Variants in C16orf74 observed in about 807,000 individuals in gnomAD.
C16orf74 encodes calcimembrin, also known as uncharacterized protein C16orf74.
In C16orf74, 10 loss-of-function variants were observed where a neutral mutation model predicts 6.5. That is an observed-to-expected ratio of 1.54 (90% CI 0.95 to 2.61). The LOEUF (loss-of-function observed/expected upper bound fraction) is 2.61, where lower values mean the gene tolerates loss of function less well. Among genes scored for constraint, C16orf74 ranks in the 30% most tolerant of loss-of-function variants. The probability of loss-of-function intolerance (pLI) is 0.00; values close to 1 mark genes in which losing one functional copy is unlikely to be tolerated. For synonymous variants in C16orf74, 60 were observed against 42.5 expected (o/e 1.41, Z -1.60); for missense variants, 141 against 105.9 (o/e 1.33, Z -1.45).
chr16:85,722,506 G>A (rs1211953298), intron 2 of C16orf74, among the ~76,000 whole-genome samples: 3 of 152,206 alleles, frequency 2.0e-5, no homozygotes, highest in Non-Finnish European at 4.4e-5. Flanking sequence ...AGCGGAAGCG[G>A]CACCAAGCAC....
At chr16:85,743,278 T>G (rs899593168) in intron 1 of C16orf74, 2 of 152,210 alleles carry the variant, frequency 1.3e-5, no homozygotes, top group Non-Finnish European at 2.9e-5. Flanking sequence ...GAGCCACTGT[T>G]ACCTTAAACT....
intron 1 of C16orf74, among the ~76,000 whole-genome samples, chr16:85,747,573 G>C (rs1015976386): frequency 2.0e-5 from 3 of 152,090 alleles, no homozygotes; most frequent in Admixed American, 6.6e-5. Context: ...TCTCTTTCTT[G>C]ACCTGGTGCA....
At chr16:85,723,873 C>G (rs2054106958) in intron 2 of C16orf74, among the ~76,000 whole-genome samples, 1 of 152,230 alleles carries the variant, frequency 6.6e-6, no homozygotes, top group African/African-American at 2.4e-5. Flanking sequence ...CACACATCTG[C>G]TCTCTGGAAA....
chr16:85,738,089 T>A lies in C16orf74; in HGVS notation c.-18-2854A>T, dbSNP rs191761368. Among the ~76,000 whole-genome samples the A allele has an allele frequency of 2.1e-3, 323 of 151,682 alleles. 2 individuals carry two copies. The highest frequency in any genetic ancestry group is 7.1e-3 in the African/African-American group (294 of 41,372). On this transcript the variant is annotated intron_variant, in intron 1 of 3. Transcript: ENST00000284245. The stretch of plus-strand genomic sequence containing the variant: ...GGACACCCTGGCTATAAAACATTTT[T>A]AAAAAATTAGTCAAGTGTGGTGGCC...
At chr16:85,744,920 T>G (rs538469993) in intron 1 of C16orf74, among the ~76,000 whole-genome samples, 3 of 150,282 alleles carry the variant, frequency 2.0e-5, no homozygotes, top group Admixed American at 1.3e-4. Context: ...GGTGGGCGGA[T>G]CACCTGAGGT....
chr16:85,716,247 T>G (rs1598783737), intron 2 of C16orf74, among the ~76,000 whole-genome samples: 1 of 141,452 alleles, frequency 7.1e-6, no homozygotes, highest in African/African-American at 2.7e-5. Flanking sequence ...GGAGAGGGGG[T>G]TGGAGGGAGA....
chr16:85,729,303 G>A (rs1384920180), intron 2 of C16orf74, among the ~76,000 whole-genome samples: 1 of 152,246 alleles, frequency 6.6e-6, no homozygotes, highest in Admixed American at 6.5e-5. Flanking sequence ...TGAGGCACGA[G>A]GGAGATTTTC....
intron 2 of C16orf74, among the ~76,000 whole-genome samples, chr16:85,712,712 C>T (rs1249808390): frequency 6.6e-6 from 1 of 152,242 alleles, no homozygotes; most frequent in Non-Finnish European, 1.5e-5. Flanking sequence ...CTGTGTGACC[C>T]TGCGTGCACT....
chr16:85,710,536 T>G, intron 2 of C16orf74: 3 of 493,808 alleles, frequency 6.1e-6, no homozygotes, highest in Non-Finnish European at 1.1e-5. Context: ...AAACAGATTT[T>G]GGGAAATGCT....
intron 2 of C16orf74, among the ~76,000 whole-genome samples, chr16:85,731,832 C>T (rs1402497784): frequency 1.3e-5 from 2 of 152,256 alleles, no homozygotes; most frequent in Non-Finnish European, 1.5e-5. Context: ...GGACTGCAGG[C>T]ATGAAATGCC....
chr16:85,718,121 GTC>G (rs981955847), intron 2 of C16orf74, among the ~76,000 whole-genome samples: 1 of 152,164 alleles, frequency 6.6e-6, no homozygotes, highest in Non-Finnish European at 1.5e-5. Flanking sequence ...TTGAGACAGG[GTC>G]TCTCTCTGTG....
intron 2 of C16orf74, among the ~76,000 whole-genome samples, chr16:85,714,639 C>T (rs1276993208): frequency 1.3e-5 from 2 of 151,164 alleles, no homozygotes; most frequent in East Asian, 2.0e-4. Flanking sequence ...AGGCTGGTCT[C>T]GAACTCCTGA....
At chr16:85,714,054 T>C (rs1341380242) in intron 2 of C16orf74, among the ~76,000 whole-genome samples, 1 of 152,196 alleles carries the variant, frequency 6.6e-6, no homozygotes, top group Non-Finnish European at 1.5e-5. Context: ...CAGCTGGTGG[T>C]GGAAGGGTGG....
At chr16:85,738,049 G>A (rs1475772849) in intron 1 of C16orf74, among the ~76,000 whole-genome samples, 12 of 150,762 alleles carry the variant, frequency 8.0e-5, no homozygotes, top group Admixed American at 7.3e-4. Flanking sequence ...TGTGGCCCAG[G>A]GAAGCCAAAA....
At chr16:85,711,658 C>G (rs1437269362) in intron 2 of C16orf74, among the ~76,000 whole-genome samples, 1 of 150,574 alleles carries the variant, frequency 6.6e-6, no homozygotes, top group Non-Finnish European at 1.5e-5. Flanking sequence ...TAAACGCAAC[C>G]AAAAACCCTT....
intron 2 of C16orf74, among the ~76,000 whole-genome samples, chr16:85,734,046 C>T (rs1353730267): frequency 6.6e-6 from 1 of 152,184 alleles, no homozygotes. Flanking sequence ...GGCCTTTTCA[C>T]GCCTCCTTAC....
intron 1 of C16orf74, among the ~76,000 whole-genome samples, chr16:85,747,557 TG>T: frequency 6.6e-6 from 1 of 152,276 alleles, no homozygotes; most frequent in South Asian, 2.1e-4. Flanking sequence ...CCTGGGGGGC[TG>T]AAGGTCTCTT....
At position 85,707,679 on chromosome 16, in the gene C16orf74, G is replaced by A; in HGVS notation, c.*329C>T. 1 of 350,906 alleles carries A rather than the reference G, an allele frequency of 2.8e-6. No homozygotes were observed. Among genetic ancestry groups the A allele is most frequent in the Non-Finnish European group, 5.2e-6 (1 of 193,024 alleles). The allele number at this position is 350,906 out of a possible 1,614,324, so 21.7% of individuals were successfully genotyped here. A position where few individuals can be genotyped will look rare whatever the true frequency, so the allele number is the denominator to read the frequency against. On this transcript the variant is annotated 3_prime_UTR_variant, in exon 4 of 4. Transcript: ENST00000284245. ...GGGCATGTGTTTGCACAGCCCTGGG[G>A]GCTGGGAGGGTGTGTTTGTCCAGAA... is the stretch of plus-strand genomic sequence containing the variant.
chr16:85,712,432 C>T (rs761354001), intron 2 of C16orf74, among the ~76,000 whole-genome samples: 1 of 152,228 alleles, frequency 6.6e-6, no homozygotes, highest in Non-Finnish European at 1.5e-5. Flanking sequence ...ATGGCAGGTG[C>T]ACAGTGGGAA....
Sources: allele counts gnomAD v4.1 joint callset (sites outside exome capture counted in the v4.1 genomes callset), GRCh38; gene constraint gnomAD v4.1.1; transcripts MANE v1.5; gene names NCBI Gene and HGNC (gene_info 2026-07-23, HGNC 2026-07-21).